Variants in PLAAT3 observed in about 807,000 individuals in gnomAD.
PLAAT3 encodes phospholipase A and acyltransferase 3, also known as Ca-independent phospholipase A1/2.
A neutral mutation model predicts 16.7 loss-of-function variants in PLAAT3; 21 were observed. That is an observed-to-expected ratio of 1.26 (90% CI 0.89 to 1.81). The LOEUF (loss-of-function observed/expected upper bound fraction) is 1.81, where lower values mean the gene tolerates loss of function less well. Among genes scored for constraint, PLAAT3 ranks in the 40% most tolerant of loss-of-function variants. The probability of loss-of-function intolerance (pLI) is 0.00; values close to 1 mark genes in which losing one functional copy is unlikely to be tolerated. For missense variants in PLAAT3, 219 were observed against 213.7 expected (o/e 1.02, Z -0.16); for synonymous variants, 76 against 81.7 (o/e 0.93, Z 0.38).
At chr11:63,616,862 A>G (rs944187074), upstream of PLAAT3, 2 of 151,968 alleles carry the variant, frequency 1.3e-5, no homozygotes, top group African/African-American at 4.8e-5. Context: ...GGGTGCCTGT[A>G]GTCCCAGCTA....
chr11:63,599,262 G>A (rs1297834491), intron 2 of PLAAT3, among the ~76,000 whole-genome samples: 1 of 152,224 alleles, frequency 6.6e-6, no homozygotes, highest in African/African-American at 2.4e-5. Flanking sequence ...TTCAGCCACA[G>A]TCAGGGCTAA....
intron 2 of PLAAT3, among the ~76,000 whole-genome samples, chr11:63,603,746 A>G (rs1190216146): frequency 1.5e-5 from 1 of 65,930 alleles, no homozygotes; most frequent in East Asian, 1.0e-3. Flanking sequence ...ACACACACAC[A>G]CACACACAGA....
chr11:63,586,712 T>C (rs1204166679), intron 4 of PLAAT3, among the ~76,000 whole-genome samples: 1 of 152,016 alleles, frequency 6.6e-6, no homozygotes, highest in Non-Finnish European at 1.5e-5. Context: ...ATGCTAATAT[T>C]GTCACTGCTA....
chr11:63,600,748 G>A (rs1273707776), intron 2 of PLAAT3, among the ~76,000 whole-genome samples: 6 of 151,936 alleles, frequency 3.9e-5, no homozygotes, highest in Non-Finnish European at 7.4e-5. Context: ...GACTACAGGC[G>A]TATGCCACCA....
intron 2 of PLAAT3, among the ~76,000 whole-genome samples, chr11:63,612,184 G>C (rs1938711312): frequency 6.6e-6 from 1 of 152,088 alleles, no homozygotes; most frequent in African/African-American, 2.4e-5. Flanking sequence ...TTTTGTTGTT[G>C]TTTTGTTTTT....
chr11:63,579,662 A>G (rs1317680178), intron 4 of PLAAT3, among the ~76,000 whole-genome samples: 1 of 144,896 alleles, frequency 6.9e-6, no homozygotes, highest in Non-Finnish European at 1.5e-5. Flanking sequence ...CATAGGTGGG[A>G]ATTGAACAAT....
chr11:63,616,294 T>G (rs1046022887), upstream of PLAAT3: 2 of 152,008 alleles, frequency 1.3e-5, no homozygotes, highest in African/African-American at 4.8e-5. Context: ...TTCTACTCCC[T>G]ACTCGTGGGT....
upstream of PLAAT3, among the ~76,000 whole-genome samples, chr11:63,616,156 C>T (rs527747434): frequency 7.0e-4 from 106 of 152,270 alleles, no homozygotes; most frequent in African/African-American, 2.6e-3. Flanking sequence ...TTGTTATTTA[C>T]TATAATCACC....
At position 63,614,000 on chromosome 11, in the gene PLAAT3, A is replaced by G. The variant is rs753794751; in HGVS notation, c.15T>C (p.Ile5=). The G allele has an allele frequency of 1.3e-6, 2 of 1,592,034 alleles. No homozygotes were observed. Among genetic ancestry groups the G allele is most frequent in the Non-Finnish European group, 1.7e-6 (2 of 1,160,572 alleles). Residue 5 remains isoleucine, a splice_region_variant and synonymous_variant, in exon 2 of 5, where the codon ATT becomes ATC. Transcript: ENST00000415826. MRAP[I]PEPKPGDLIE... The stretch of plus-strand genomic sequence containing the variant: ...CAGCCCCGCCTCGCCCCGCACTTAC[A>G]ATGGGCGCACGCATCTTCCCTCGCG...
chr11:63,614,662 G>A (rs894221627), upstream of PLAAT3, among the ~76,000 whole-genome samples: 1 of 152,032 alleles, frequency 6.6e-6, no homozygotes, highest in African/African-American at 2.4e-5. Context: ...GCCATGATGG[G>A]TTTACTTTCG....
At chr11:63,593,741 G>A (rs975965470) in intron 3 of PLAAT3, among the ~76,000 whole-genome samples, 4 of 152,048 alleles carry the variant, frequency 2.6e-5, no homozygotes, top group African/African-American at 7.2e-5. Flanking sequence ...CACCATGCCC[G>A]ACTAATTTTT....
At chr11:63,583,523 G>C (rs551422097) in intron 4 of PLAAT3, among the ~76,000 whole-genome samples, 4 of 152,240 alleles carry the variant, frequency 2.6e-5, no homozygotes, top group Non-Finnish European at 5.9e-5. Flanking sequence ...TAGTCAAAGA[G>C]TATGATTAAA....
chr11:63,608,347 TA>T (rs1938618917), intron 2 of PLAAT3: 1 of 152,166 alleles, frequency 6.6e-6, no homozygotes, highest in South Asian at 2.1e-4. Context: ...AAACTGGAGC[TA>T]AGGGAGGTAA....
At chr11:63,614,212 T>C (rs1938771903) in intron 1 of PLAAT3, 144 bp from the exon 2 acceptor site, 7 of 652,760 alleles carry the variant, frequency 1.1e-5, no homozygotes, top group South Asian at 1.0e-4. Context: ...TTAACAACTT[T>C]CTCGCCGGGG....
upstream of PLAAT3, among the ~76,000 whole-genome samples, chr11:63,615,825 G>T (rs535225952): frequency 6.6e-6 from 1 of 150,836 alleles, no homozygotes; most frequent in African/African-American, 2.4e-5. Flanking sequence ...GCACCACCGC[G>T]CCCAGCTAAT....
chr11:63,600,799 T>TC (rs1160916819), intron 2 of PLAAT3, among the ~76,000 whole-genome samples: 7 of 151,754 alleles, frequency 4.6e-5, no homozygotes, highest in African/African-American at 1.4e-4. Flanking sequence ...AGATGGGGTT[T>TC]CACCATGTTG....
chr11:63,574,701 A>C lies in PLAAT3; in HGVS notation c.*244T>G. 1 of 500,094 alleles carries C rather than the reference A, an allele frequency of 2.0e-6. No individual in the cohort carries two copies. Among genetic ancestry groups the C allele is most frequent in the Non-Finnish European group, 3.6e-6 (1 of 277,726 alleles). 31.0% of individuals were successfully genotyped at this position (500,094 alleles called of 1,614,324 possible). A position where few individuals can be genotyped will look rare whatever the true frequency, so the allele number is the denominator to read the frequency against. ...AATGCAAAGAACACAGCACGCAAAAAGAAAGTGAAAGACAATCCCTGACCA... is the reference window on the plus strand; with the variant it reads ...AATGCAAAGAACACAGCACGCAAAACGAAAGTGAAAGACAATCCCTGACCA... On this transcript the variant is annotated 3_prime_UTR_variant, in exon 5 of 5. Coordinates refer to ENST00000415826, the MANE Select transcript of PLAAT3 (RefSeq NM_001128203.2).
At chr11:63,614,164 G>T in intron 1 of PLAAT3, 96 bp from the exon 2 acceptor site, 1 of 1,031,476 alleles carries the variant, frequency 9.7e-7, no homozygotes, top group Non-Finnish European at 1.5e-6. Flanking sequence ...GGCGTGAGAG[G>T]CGCGCCTCGG....
chr11:63,600,091 C>G (rs1488041012), intron 2 of PLAAT3, among the ~76,000 whole-genome samples: 2 of 152,138 alleles, frequency 1.3e-5, no homozygotes, highest in Admixed American at 6.5e-5. Flanking sequence ...AGGTCATCTT[C>G]CCACCTCAGC....
Sources: gnomAD v4.1 joint callset for allele counts (sites outside exome capture counted in the v4.1 genomes callset) on GRCh38, gnomAD v4.1.1 for gene constraint, MANE v1.5 for transcripts, NCBI Gene and HGNC (gene_info 2026-07-23, HGNC 2026-07-21) for gene names.